The following GALNT13 variants were observed in gnomAD, a reference collection of about 807,000 sequenced individuals.
GALNT13 encodes UDP-GalNAc:polypeptide N-acetylgalactosaminyltransferase 13.
A neutral mutation model predicts 64.2 loss-of-function variants in GALNT13; 28 were observed. That is an observed-to-expected ratio of 0.44 (90% CI 0.32 to 0.60). The LOEUF (loss-of-function observed/expected upper bound fraction) is 0.60. GALNT13 is among the 20% of genes least tolerant of loss of function. GALNT13 has a pLI of 0.05. For synonymous variants in GALNT13, 214 were observed against 224.6 expected, an observed-to-expected ratio of 0.95 and a Z score of 0.42; for missense variants, 577 against 669.8, an observed-to-expected ratio of 0.86 and a Z score of 1.53.
intron 4 of GALNT13, among the ~76,000 whole-genome samples, chr2:154,143,043 A>T (rs1330555943): frequency 2.0e-5 from 3 of 152,102 alleles, no homozygotes; most frequent in Non-Finnish European, 4.4e-5. Context: ...ACCTTTTGGC[A>T]CTGGGGACCA....
At chr2:154,423,950 C>T (rs1179131157) in intron 11 of GALNT13, among the ~76,000 whole-genome samples, 1 of 152,124 alleles carries the variant, frequency 6.6e-6, no homozygotes, top group East Asian at 1.9e-4. Flanking sequence ...TGAGGTCTTC[C>T]ACCCCCAACC....
intron 11 of GALNT13, among the ~76,000 whole-genome samples, chr2:154,421,948 A>T (rs1442057543): frequency 6.6e-6 from 1 of 152,108 alleles, no homozygotes; most frequent in African/African-American, 2.4e-5. Flanking sequence ...TACAGGAGGC[A>T]TTCAGGAAAA....
intron 3 of GALNT13, among the ~76,000 whole-genome samples, chr2:154,118,100 A>T (rs1367594913): frequency 6.6e-6 from 1 of 152,146 alleles, no homozygotes; most frequent in Non-Finnish European, 1.5e-5. Context: ...AGAGTATTGA[A>T]AGTAGGGCAT....
At chr2:153,471,791 T>A in the GALNT13 span, among the ~76,000 whole-genome samples, 1 of 152,186 alleles carries the variant, frequency 6.6e-6, no homozygotes, top group East Asian at 1.9e-4. Flanking sequence ...GATACAGATG[T>A]ATTGTAAGAC....
At chr2:153,621,840 A>C in the GALNT13 span, among the ~76,000 whole-genome samples, 1 of 152,090 alleles carries the variant, frequency 6.6e-6, no homozygotes, top group African/African-American at 2.4e-5. Context: ...CCTTTAGGTC[A>C]GTGGGCTCCC....
At chr2:153,547,126 GAA>G in the GALNT13 span, among the ~76,000 whole-genome samples, 2 of 152,162 alleles carry the variant, frequency 1.3e-5, no homozygotes, top group Admixed American at 6.5e-5. Context: ...TTAGTCCTTT[GAA>G]AAATACATCT....
chr2:153,775,024 A>C, the GALNT13 span, among the ~76,000 whole-genome samples: 1 of 152,244 alleles, frequency 6.6e-6, no homozygotes, highest in Admixed American at 6.5e-5. Context: ...TCATTATTAC[A>C]GAAGTAAAAA....
chr2:154,165,828 A>G (rs1388778696), intron 4 of GALNT13, among the ~76,000 whole-genome samples: 2 of 152,206 alleles, frequency 1.3e-5, no homozygotes, highest in African/African-American at 4.8e-5. Flanking sequence ...AGAGAAAGCT[A>G]TTAGCTGAAC....
At chr2:154,260,618 C>T (rs1307359439) in intron 8 of GALNT13, among the ~76,000 whole-genome samples, 1 of 152,118 alleles carries the variant, frequency 6.6e-6, no homozygotes, top group African/African-American at 2.4e-5. Flanking sequence ...TATCTTCTTG[C>T]CTTCAGGTCC....
chr2:154,111,576 C>A (rs1321748649), intron 3 of GALNT13, among the ~76,000 whole-genome samples: 1 of 152,100 alleles, frequency 6.6e-6, no homozygotes, highest in South Asian at 2.1e-4. Context: ...GGAACTAAGA[C>A]CTCTAGGCCA....
chr2:153,929,607 T>G (rs1690371463), intron 2 of GALNT13, among the ~76,000 whole-genome samples: 1 of 152,226 alleles, frequency 6.6e-6, no homozygotes, highest in Non-Finnish European at 1.5e-5. Flanking sequence ...TATTTGGTTT[T>G]TCTGTTCCTG....
At chr2:153,654,493 C>T in the GALNT13 span, among the ~76,000 whole-genome samples, 1 of 151,918 alleles carries the variant, frequency 6.6e-6, no homozygotes, top group African/African-American at 2.4e-5. Context: ...TTATAGTATA[C>T]AAAAATCCAC....
At chr2:153,927,328 A>C (rs557810072) in intron 2 of GALNT13, among the ~76,000 whole-genome samples, 5 of 152,046 alleles carry the variant, frequency 3.3e-5, no homozygotes, top group Non-Finnish European at 7.4e-5. Context: ...ATTAATTAGA[A>C]GTTTTGCAGA....
intron 3 of GALNT13, among the ~76,000 whole-genome samples, chr2:153,992,720 G>A (rs1323958776): frequency 6.6e-6 from 1 of 152,058 alleles, no homozygotes; most frequent in African/African-American, 2.4e-5. Context: ...ACTTTAGTCT[G>A]TGAAAACAAT....
the GALNT13 span, among the ~76,000 whole-genome samples, chr2:153,156,534 C>T: frequency 9.2e-5 from 14 of 152,036 alleles, no homozygotes; most frequent in Non-Finnish European, 1.9e-4. Context: ...AGTGCTTGAT[C>T]GTTTTCACTA....
the GALNT13 span, among the ~76,000 whole-genome samples, chr2:153,460,838 C>CTTTTT: frequency 6.6e-6 from 1 of 152,106 alleles, no homozygotes; most frequent in Non-Finnish European, 1.5e-5. Context: ...GCCACAGATA[C>CTTTTT]ATCATTTTAG....
the GALNT13 span, among the ~76,000 whole-genome samples, chr2:153,864,902 TC>T: frequency 6.9e-6 from 1 of 145,472 alleles, no homozygotes; most frequent in East Asian, 2.0e-4. Context: ...CTACCTGACT[TC>T]AAACTATACT....
At chr2:153,292,704 G>A in the GALNT13 span, among the ~76,000 whole-genome samples, 1 of 152,088 alleles carries the variant, frequency 6.6e-6, no homozygotes. Context: ...TAATCCCAGG[G>A]AAAAGAGATG....
rs1352502621 is a variant in GALNT13 at position 154,450,608 on chromosome 2, A to G, written c.*57A>G. On this transcript the variant is annotated 3_prime_UTR_variant, in exon 13 of 13. Coordinates refer to ENST00000392825, the MANE Select transcript of GALNT13 (RefSeq NM_052917.4). ...ACGCTTTTGTTTTTCCATTATTTCA[A>G]TTGGGGGAAAATATTAACTTTGCTG... 4.6e-5 allele frequency: 66 copies of G among 1,433,560 alleles called. No individual in the cohort carries two copies. The highest frequency in any genetic ancestry group is 6.0e-5 in the Non-Finnish European group (64 of 1,069,830). The allele number at this position is 1,433,560 out of a possible 1,614,324, so 88.8% of individuals were successfully genotyped here. A position where few individuals can be genotyped will look rare whatever the true frequency, so the allele number is the denominator to read the frequency against.
Sources: gnomAD v4.1 joint callset for allele counts (sites outside exome capture counted in the v4.1 genomes callset) on GRCh38, gnomAD v4.1.1 for gene constraint, MANE v1.5 for transcripts, NCBI Gene and HGNC (gene_info 2026-07-23, HGNC 2026-07-21) for gene names.